The following C7 variants were observed in gnomAD, a reference collection of about 807,000 sequenced individuals.
C7 encodes complement C7.
In C7, 83 loss-of-function variants were observed where a neutral mutation model predicts 104.8. That is an observed-to-expected ratio of 0.79 (90% confidence interval 0.66 to 0.95). The LOEUF (loss-of-function observed/expected upper bound fraction) is 0.95, where lower values mean the gene tolerates loss of function less well. Ranked by LOEUF, C7 falls within the 40% of genes least tolerant of loss-of-function variation. The probability of loss-of-function intolerance (pLI) is 0.00; values close to 1 mark genes in which losing one functional copy is unlikely to be tolerated. For missense variants in C7, 1,070 were observed against 1,011.2 expected, an observed-to-expected ratio of 1.06 and a Z score of -0.79; for synonymous variants, 415 against 360.6, an observed-to-expected ratio of 1.15 and a Z score of -1.71.
chr5:40,967,452 C>G (rs1421483572), intron 14 of C7: 1 of 152,164 alleles, frequency 6.6e-6, no homozygotes, highest in African/African-American at 2.4e-5. Flanking sequence ...GAGTTTCATT[C>G]TTGTCTCCCA....
At chr5:40,968,283 A>C (rs1317015794) in intron 14 of C7, among the ~76,000 whole-genome samples, 3 of 151,204 alleles carry the variant, frequency 2.0e-5, no homozygotes, top group African/African-American at 7.3e-5. Context: ...GCAGCACTGC[A>C]TCTGGCTAAT....
chr5:40,950,663 G>A (rs956215815), intron 9 of C7, among the ~76,000 whole-genome samples: 3 of 152,134 alleles, frequency 2.0e-5, no homozygotes, highest in African/African-American at 7.2e-5. Flanking sequence ...CACAGGATAG[G>A]GAGTTCACCA....
chr5:40,945,994 ATCT>A (rs1256412882), intron 7 of C7, among the ~76,000 whole-genome samples: 2 of 150,324 alleles, frequency 1.3e-5, no homozygotes, highest in East Asian at 1.9e-4. Flanking sequence ...TTACCTTGAA[ATCT>A]TCTATTTTAA....
At chr5:40,950,055 C>CT (rs149156108) in intron 9 of C7, 41 bp downstream of exon 9, 150,487 of 1,006,554 alleles carry the variant, frequency 0.15, 3,998 homozygotes, top group East Asian at 0.19. Context: ...AGCTTAACTT[C>CT]TTTTTTTTTT....
chr5:40,928,688 A>G (rs1739609681), intron 2 of C7, 53 bp downstream of exon 2: 15 of 1,183,490 alleles, frequency 1.3e-5, no homozygotes, highest in Non-Finnish European at 1.8e-5. Flanking sequence ...AAAATGTTTT[A>G]GTAATTCTTT....
chr5:40,931,782 C>T (rs769459167), intron 3 of C7, among the ~76,000 whole-genome samples: 2 of 152,138 alleles, frequency 1.3e-5, no homozygotes. Flanking sequence ...GTTTTTGAGT[C>T]GGAGTCTCCC....
At chr5:40,976,288 T>C (rs1188156266) in intron 15 of C7, among the ~76,000 whole-genome samples, 1 of 152,182 alleles carries the variant, frequency 6.6e-6, no homozygotes, top group Non-Finnish European at 1.5e-5. Flanking sequence ...CAGAATGCAG[T>C]CCAAACAACA....
At position 40,926,352 on chromosome 5, in the gene C7, C is replaced by A. The variant is rs910992874; in HGVS notation, c.7-2228C>A. The stretch of plus-strand genomic sequence containing the variant: ...CTTTTATTTAAGCTCTGGATCAAGA[C>A]AAAAATGCCCACTTTTGCCACTTTT... On this transcript the variant is annotated intron_variant, in intron 1 of 17. Coordinates refer to ENST00000313164, the MANE Select transcript of C7 (RefSeq NM_000587.4). 2.5e-5 allele frequency among the ~76,000 whole-genome samples: 3 copies of A among 121,364 alleles called. No individual in the cohort carries two copies. In the East Asian group the frequency reaches 7.5e-4, roughly 30 times the overall value. The allele number at this position is 121,364 out of a possible 152,430, so 79.6% of individuals were successfully genotyped here. A position where few individuals can be genotyped will look rare whatever the true frequency, so the allele number is the denominator to read the frequency against.
intron 14 of C7, among the ~76,000 whole-genome samples, chr5:40,966,364 T>C (rs923029044): frequency 1.3e-5 from 2 of 151,790 alleles, no homozygotes; most frequent in Non-Finnish European, 2.9e-5. Context: ...CATGCAATGT[T>C]TGGTTTTCTT....
At chr5:40,968,645 C>T (rs1740625933) in intron 14 of C7, among the ~76,000 whole-genome samples, 1 of 95,364 alleles carries the variant, frequency 1.0e-5, no homozygotes, top group Non-Finnish European at 2.0e-5. Flanking sequence ...AGATTTTACT[C>T]CTGTCACCCA....
chr5:40,954,071 A>C (rs2111650945), intron 9 of C7, among the ~76,000 whole-genome samples: 1 of 152,306 alleles, frequency 6.6e-6, no homozygotes, highest in South Asian at 2.1e-4. Flanking sequence ...TATTTCTAAA[A>C]TTATGAGGCA....
At chr5:40,936,568 G>A (rs892705555) in intron 5 of C7, 83 bp downstream of exon 5, 19 of 1,288,482 alleles carry the variant, frequency 1.5e-5, no homozygotes, top group Admixed American at 7.2e-5. Context: ...GTAAGTCTAC[G>A]AACAAGTCTT....
Position 40,958,269 on chromosome 5 carries a change from G to C in C7, c.1489+8G>C. ...TCGTAGGGAATCAAGCAGGTCAGTG[G>C]GGTGAATTTTCTCTAGCCACCCTGT... On this transcript the variant is annotated splice_region_variant and intron_variant, in intron 11 of 17. Transcript: ENST00000313164. The C allele has an allele frequency of 6.4e-7, 1 of 1,571,156 alleles. No homozygotes were observed. The highest frequency in any genetic ancestry group is 8.7e-7 in the Non-Finnish European group (1 of 1,155,660).
At chr5:40,965,478 T>C (rs1044046552) in intron 14 of C7, among the ~76,000 whole-genome samples, 3 of 152,156 alleles carry the variant, frequency 2.0e-5, no homozygotes, top group African/African-American at 7.2e-5. Context: ...TATTCATACA[T>C]TGGGTATACA....
intron 14 of C7, among the ~76,000 whole-genome samples, chr5:40,971,825 A>G (rs1740703303): frequency 6.6e-6 from 1 of 152,048 alleles, no homozygotes; most frequent in Non-Finnish European, 1.5e-5. Flanking sequence ...TTTTCCCATC[A>G]CCATTTATTA....
intron 1 of C7, among the ~76,000 whole-genome samples, chr5:40,923,515 G>A (rs1307016019): frequency 6.6e-6 from 1 of 152,172 alleles, no homozygotes; most frequent in Non-Finnish European, 1.5e-5. Context: ...GGAGGCTGAG[G>A]CAGGCAGATC....
intron 14 of C7, among the ~76,000 whole-genome samples, chr5:40,968,571 TATATATATATATA>T (rs1561257287): frequency 0.016 from 1,007 of 62,958 alleles, 11 homozygotes; most frequent in South Asian, 0.037. Context: ...ATATATTTTA[TATATATATATATA>T]TATATATATA....
At chr5:40,922,873 C>G (rs920476926) in intron 1 of C7, among the ~76,000 whole-genome samples, 3 of 151,938 alleles carry the variant, frequency 2.0e-5, no homozygotes, top group Admixed American at 6.6e-5. Context: ...TATGAAACAA[C>G]TAGAAGAAAA....
chr5:40,947,631 T>C lies in C7; in HGVS notation c.768T>C (p.Thr256=), dbSNP rs746389260. 2.5e-6 allele frequency: 4 copies of C among 1,613,498 alleles called. No homozygotes were observed. The highest frequency in any genetic ancestry group is 1.3e-5 in the African/African-American group (1 of 75,028). ...ACCAACTGCTGGTTGTTGAGAACACTGTTGAAGTGGCTCAGTTCATTAATA... is the reference window on the plus strand; with the variant it reads ...ACCAACTGCTGGTTGTTGAGAACACCGTTGAAGTGGCTCAGTTCATTAATA... The part of the protein sequence containing the change: ...KSYQLLVVEN[T]VEVAQFINNN... The change falls in exon 8 of 18, where the codon ACT becomes ACC. Residue 256 remains threonine (T), a synonymous_variant. Transcript: ENST00000313164.
Sources: allele counts gnomAD v4.1 joint callset (sites outside exome capture counted in the v4.1 genomes callset), GRCh38; gene constraint gnomAD v4.1.1; transcripts MANE v1.5; gene names NCBI Gene and HGNC (gene_info 2026-07-23, HGNC 2026-07-21).